GABRG3: variants seen among roughly 807,000 people sequenced by gnomAD.
The protein encoded by GABRG3 is gamma-aminobutyric acid type A receptor subunit gamma3.
GABRG3 carries 25 observed loss-of-function variants against 48.8 expected under a neutral mutation model. The observed-to-expected ratio is 0.51, with a 90% CI of 0.37 to 0.72. The LOEUF (loss-of-function observed/expected upper bound fraction) is 0.72. Ranked by LOEUF, GABRG3 falls within the 30% of genes least tolerant of loss-of-function variation. The pLI is 0.00. For missense variants in GABRG3, 394 were observed against 577.9 expected (o/e 0.68, Z 3.26); for synonymous variants, 227 against 217.6 (o/e 1.04, Z -0.38).
At chr15:27,005,293 C>A (rs1482187836) in intron 2 of GABRG3, among the ~76,000 whole-genome samples, 1 of 152,022 alleles carries the variant, frequency 6.6e-6, no homozygotes. Context: ...CTCCGCCTCC[C>A]GGGTTCAAGC....
intron 3 of GABRG3, among the ~76,000 whole-genome samples, chr15:27,258,448 G>A (rs988777414): frequency 6.6e-6 from 1 of 152,034 alleles, no homozygotes; most frequent in African/African-American, 2.4e-5. Context: ...CCATTTTCCA[G>A]AGTCTCTGCA....
intron 3 of GABRG3, among the ~76,000 whole-genome samples, chr15:27,282,795 AG>A (rs1199903412): frequency 6.6e-6 from 1 of 152,128 alleles, no homozygotes; most frequent in East Asian, 1.9e-4. Flanking sequence ...TGGTAGCATG[AG>A]TGATTTTCAA....
chr15:27,179,027 G>A lies in GABRG3; in HGVS notation c.271-147782G>A, dbSNP rs1006844451. On this transcript the variant is annotated intron_variant, in intron 3 of 9. Coordinates refer to ENST00000615808, the MANE Select transcript of GABRG3 (RefSeq NM_033223.5). The surrounding 1 kb of genome is among the most constrained non-coding windows in gnomAD (Gnocchi z 4.0). The stretch of plus-strand genomic sequence containing the variant: ...TTCTATGGCAGCCTCAGAGGAGAAT[G>A]GGACTGAGAGGAGAGCAGGAGAAGG... Among the ~76,000 whole-genome samples, 25 of 152,170 alleles carry A rather than the reference G, an allele frequency of 1.6e-4. No individual in the cohort carries two copies. Among genetic ancestry groups the A allele is most frequent in the Non-Finnish European group, 3.5e-4 (24 of 68,042 alleles).
chr15:27,405,518 T>C (rs1415232873), intron 5 of GABRG3, among the ~76,000 whole-genome samples: 1 of 152,184 alleles, frequency 6.6e-6, no homozygotes, highest in Non-Finnish European at 1.5e-5. Context: ...GCTGATGGTG[T>C]TCATCCTCTG....
chr15:27,518,044 T>C (rs957164496), intron 6 of GABRG3, among the ~76,000 whole-genome samples: 11 of 152,126 alleles, frequency 7.2e-5, no homozygotes, highest in African/African-American at 2.7e-4. Flanking sequence ...TCCCTGTCAA[T>C]CTTTTAAGTA....
At chr15:26,983,695 G>A (rs1895097573) in intron 2 of GABRG3, among the ~76,000 whole-genome samples, 1 of 152,154 alleles carries the variant, frequency 6.6e-6, no homozygotes, top group Non-Finnish European at 1.5e-5. Flanking sequence ...GATGGCTTGA[G>A]TCCAGGAGTT....
rs367915404 is a variant in GABRG3 at position 27,532,908 on chromosome 15, G to C, written c.*27G>C. On this transcript the variant is annotated 3_prime_UTR_variant, in exon 10 of 10. Transcript: ENST00000615808. The stretch of plus-strand genomic sequence containing the variant: ...TGTTGCTCAGAGTGAAGAGTGAAGA[G>C]CATTTGGTACACACTTGACCTTCTG... 15 of 1,605,320 alleles carry C rather than the reference G, an allele frequency of 9.3e-6. 1 individual carries two copies. The South Asian group carries it at 1.5e-4, about 16-fold the overall frequency.
At chr15:27,016,171 T>C (rs555620664) in intron 2 of GABRG3, among the ~76,000 whole-genome samples, 1 of 152,164 alleles carries the variant, frequency 6.6e-6, no homozygotes, top group African/African-American at 2.4e-5. Context: ...GTATTTCTTA[T>C]ATAGCAGCTC....
intron 2 of GABRG3, among the ~76,000 whole-genome samples, chr15:27,006,118 A>G (rs1895579205): frequency 1.3e-5 from 2 of 151,730 alleles, no homozygotes; most frequent in African/African-American, 4.8e-5. Context: ...CTAGACATAT[A>G]TTTTCTCAAA....
intron 5 of GABRG3, among the ~76,000 whole-genome samples, chr15:27,470,280 A>G (rs1231329713): frequency 7.4e-5 from 11 of 149,302 alleles, no homozygotes; most frequent in African/African-American, 2.7e-4. Flanking sequence ...TCGCTCTGTA[A>G]TGGCGCGATC....
At chr15:27,318,230 G>GA (rs1265438711) in intron 3 of GABRG3, among the ~76,000 whole-genome samples, 3 of 152,116 alleles carry the variant, frequency 2.0e-5, no homozygotes, top group African/African-American at 7.2e-5. Context: ...ACCCAGTGTG[G>GA]AATTGGAATC....
chr15:27,401,507 A>G (rs1306698762), intron 5 of GABRG3, among the ~76,000 whole-genome samples: 1 of 152,208 alleles, frequency 6.6e-6, no homozygotes, highest in Admixed American at 6.5e-5. Flanking sequence ...ATCGCATTCA[A>G]CTTCTTCCTA....
intron 5 of GABRG3, among the ~76,000 whole-genome samples, chr15:27,478,551 A>G (rs1209376192): frequency 6.6e-6 from 1 of 152,232 alleles, no homozygotes; most frequent in Non-Finnish European, 1.5e-5. Flanking sequence ...GTACATTGCT[A>G]TAGAATTTTA....
intron 3 of GABRG3, among the ~76,000 whole-genome samples, chr15:27,067,380 C>T (rs979197006): frequency 2.0e-5 from 3 of 152,212 alleles, no homozygotes; most frequent in Admixed American, 6.5e-5. Context: ...TGTCCCCTCT[C>T]GTGATGTATG....
At chr15:27,095,015 C>G (rs1284941620) in intron 3 of GABRG3, among the ~76,000 whole-genome samples, 1 of 152,120 alleles carries the variant, frequency 6.6e-6, no homozygotes, top group Non-Finnish European at 1.5e-5. Flanking sequence ...TACCTCAAAG[C>G]TCTGCCTCAG....
chr15:27,278,795 A>G (rs1891339523), intron 3 of GABRG3, among the ~76,000 whole-genome samples: 1 of 152,168 alleles, frequency 6.6e-6, no homozygotes, highest in Non-Finnish European at 1.5e-5. Context: ...TCTGACATAA[A>G]AGCCAAGAGT....
chr15:27,226,712 C>T (rs552930872), intron 3 of GABRG3, among the ~76,000 whole-genome samples: 14 of 152,196 alleles, frequency 9.2e-5, no homozygotes, highest in Non-Finnish European at 1.9e-4. Flanking sequence ...CCTGGAGTGA[C>T]GGGCACATAA....
chr15:27,511,224 T>C (rs1178864545), intron 6 of GABRG3, among the ~76,000 whole-genome samples: 1 of 152,210 alleles, frequency 6.6e-6, no homozygotes, highest in Non-Finnish European at 1.5e-5. Context: ...AATTCTTTTG[T>C]AAGGTGCAGA....
At chr15:27,234,612 A>G (rs1889899425) in intron 3 of GABRG3, among the ~76,000 whole-genome samples, 1 of 152,124 alleles carries the variant, frequency 6.6e-6, no homozygotes, top group Non-Finnish European at 1.5e-5. Context: ...GCTCTGAGCC[A>G]CCTGCTCCTG....
Sources: gnomAD v4.1 joint callset for allele counts (sites outside exome capture counted in the v4.1 genomes callset) on GRCh38, gnomAD v4.1.1 for gene constraint, Gnocchi (gnomAD v3.1) non-coding constraint, MANE v1.5 for transcripts, NCBI Gene and HGNC (gene_info 2026-07-23, HGNC 2026-07-21) for gene names.